Variants in CSMD2 observed in about 807,000 individuals in gnomAD.
The protein encoded by CSMD2 is CUB and Sushi multiple domains 2, also known as CUB and sushi domain-containing protein 2.
A neutral mutation model predicts 398.5 loss-of-function variants in CSMD2; 130 were observed. The observed-to-expected ratio is 0.33, with a 90% confidence interval of 0.28 to 0.38. The LOEUF (loss-of-function observed/expected upper bound fraction) is 0.38, where lower values mean the gene tolerates loss of function less well. Among genes scored for constraint, CSMD2 ranks in the 10% least tolerant of loss-of-function variants. The probability of loss-of-function intolerance (pLI) is 1.00; values close to 1 mark genes in which losing one functional copy is unlikely to be tolerated. For missense variants in CSMD2, 3,829 were observed against 4,764.9 expected (o/e 0.80, Z 5.78); for synonymous variants, 1,828 against 1,908.5 (o/e 0.96, Z 1.10).
chr1:33,657,868 A>G (rs1643998421), intron 27 of CSMD2, 78 bp downstream of exon 27: 26 of 1,374,920 alleles, frequency 1.9e-5, no homozygotes, highest in Non-Finnish European at 2.5e-5. Flanking sequence ...CCCAAGATGC[A>G]GCTGCTGTGC....
In CSMD2 at chr1:34,164,854, T is replaced by C; in HGVS notation, c.187+57A>G. On this transcript the variant is annotated intron_variant, in intron 1 of 70. Coordinates refer to ENST00000373381, the MANE Select transcript of CSMD2 (RefSeq NM_001281956.2). This position sits in a 1 kb window ranked among gnomAD's most constrained non-coding sequence, Gnocchi z 6.2. ...GGGACCGGGTCGAGGATGGGTGGGC[T>C]CGGGGCTCGGGTGGGGCGCGCGGCG... 2 of 1,052,044 alleles carry C rather than the reference T, an allele frequency of 1.9e-6. No homozygotes were observed. The highest frequency in any genetic ancestry group is 2.3e-6 in the Non-Finnish European group (2 of 874,498). The allele number at this position is 1,052,044 out of a possible 1,614,324, so 65.2% of individuals were successfully genotyped here.
intron 2 of CSMD2, among the ~76,000 whole-genome samples, chr1:34,081,666 C>T (rs535817906): frequency 4.1e-4 from 63 of 152,302 alleles, no homozygotes; most frequent in African/African-American, 1.4e-3. Flanking sequence ...GTGATCTGCC[C>T]GCCTCGGCCT....
At chr1:33,746,968 A>T (rs1439492925) in intron 13 of CSMD2, among the ~76,000 whole-genome samples, 1 of 152,216 alleles carries the variant, frequency 6.6e-6, no homozygotes, top group Admixed American at 6.5e-5. Flanking sequence ...TTTATCTTAG[A>T]CATAGTACAG....
intron 3 of CSMD2, among the ~76,000 whole-genome samples, chr1:33,989,013 C>CATATAT (rs71029018): frequency 7.4e-5 from 7 of 94,846 alleles, no homozygotes; most frequent in Non-Finnish European, 1.1e-4. Flanking sequence ...TCTCTCTCTC[C>CATATAT]ATATATATAT....
intron 5 of CSMD2, among the ~76,000 whole-genome samples, chr1:33,905,808 G>A (rs542465579): frequency 6.1e-4 from 93 of 152,334 alleles, no homozygotes; most frequent in African/African-American, 2.1e-3. Context: ...AGGAACCACG[G>A]CATCTTGTCT....
chr1:34,054,318 TA>T (rs1451559498), intron 2 of CSMD2, among the ~76,000 whole-genome samples: 2 of 152,180 alleles, frequency 1.3e-5, no homozygotes. Flanking sequence ...ATGTCCTAGA[TA>T]ATAATTAAGA....
At chr1:33,958,254 A>G (rs904346648) in intron 3 of CSMD2, among the ~76,000 whole-genome samples, 3 of 152,162 alleles carry the variant, frequency 2.0e-5, no homozygotes, top group Non-Finnish European at 2.9e-5. Flanking sequence ...CTTGTAAATG[A>G]GGACAATGAT....
intron 3 of CSMD2, among the ~76,000 whole-genome samples, chr1:33,962,742 C>A (rs483006): frequency 0.22 from 33,682 of 151,934 alleles, 6,073 homozygotes; most frequent in African/African-American, 0.47. Flanking sequence ...AGATTGACTC[C>A]CTCATATCCT....
At chr1:33,824,965 G>T (rs1481864222) in intron 7 of CSMD2, among the ~76,000 whole-genome samples, 2 of 152,104 alleles carry the variant, frequency 1.3e-5, no homozygotes, top group African/African-American at 2.4e-5. Flanking sequence ...TCTTGTGGAG[G>T]TGCCCAGAAC....
At chr1:33,987,578 A>T (rs1646402305) in intron 3 of CSMD2, among the ~76,000 whole-genome samples, 1 of 152,190 alleles carries the variant, frequency 6.6e-6, no homozygotes, top group Non-Finnish European at 1.5e-5. Flanking sequence ...TCCCAGGAGC[A>T]TCTCTTCCAT....
At chr1:33,702,675 T>C (rs144003929) in intron 22 of CSMD2, among the ~76,000 whole-genome samples, 4 of 152,316 alleles carry the variant, frequency 2.6e-5, no homozygotes, top group African/African-American at 7.2e-5. Context: ...CATTAAATAT[T>C]TTTTCCATAA....
intron 13 of CSMD2, chr1:33,772,349 C>T: frequency 2.0e-6 from 1 of 500,648 alleles, no homozygotes; most frequent in Non-Finnish European, 3.6e-6. Flanking sequence ...GAAGAGCATC[C>T]CCAAATGTCA....
chr1:33,826,638 T>C (rs1307814025), intron 6 of CSMD2, among the ~76,000 whole-genome samples: 1 of 152,228 alleles, frequency 6.6e-6, no homozygotes, highest in African/African-American at 2.4e-5. Context: ...AAGTCCAGCC[T>C]AGTCCTCAGT....
chr1:33,894,297 C>A (rs1642236661), intron 5 of CSMD2, among the ~76,000 whole-genome samples: 1 of 152,146 alleles, frequency 6.6e-6, no homozygotes, highest in Non-Finnish European at 1.5e-5. Context: ...AGTGTCCTTC[C>A]TGTAATACTC....
rs144671963 is a variant in CSMD2, at chr1:33,577,682, G to A, written c.7388-198C>T. 8.3e-3 allele frequency among the ~76,000 whole-genome samples: 1,258 copies of A among 152,026 alleles called. 11 individuals are homozygous for A. Among genetic ancestry groups the A allele is most frequent in the Non-Finnish European group, 0.012 (837 of 67,990 alleles). ...GTTGGTAAAGCCGAAACAAAACAAC[G>A]GAAACAAAACAAAACAAAACAAAAA... On this transcript the variant is annotated intron_variant, in intron 48 of 70. Coordinates refer to ENST00000373381, the MANE Select transcript of CSMD2 (RefSeq NM_001281956.2).
chr1:33,634,247 A>G (rs1400610766), intron 31 of CSMD2, among the ~76,000 whole-genome samples: 1 of 152,170 alleles, frequency 6.6e-6, no homozygotes, highest in African/African-American at 2.4e-5. Flanking sequence ...GGGAATTTAT[A>G]GAGGACAGAG....
chr1:33,624,656 G>C lies in CSMD2; in HGVS notation c.5501-13C>G, dbSNP rs1274986655. 1 of 1,609,272 alleles carries C rather than the reference G, an allele frequency of 6.2e-7. No individual in the cohort carries two copies. Among genetic ancestry groups the C allele is most frequent in the Admixed American group, 1.7e-5 (1 of 59,908 alleles). ...CCTCCACACGGCACTGGGAGGAGAG[G>C]CCATCGGGTCAGAGGCTTTGTGGCC... On this transcript the variant is annotated splice_polypyrimidine_tract_variant and intron_variant, in intron 34 of 70. Coordinates refer to ENST00000373381, the MANE Select transcript of CSMD2 (RefSeq NM_001281956.2). This position sits in a 1 kb window ranked among gnomAD's most constrained non-coding sequence, Gnocchi z 4.7.
chr1:34,150,075 C>CTTTTTTTTTT (rs201785327), intron 1 of CSMD2, among the ~76,000 whole-genome samples: 39 of 119,646 alleles, frequency 3.3e-4, no homozygotes, highest in East Asian at 4.6e-4. Flanking sequence ...CATTTTTCTT[C>CTTTTTTTTTT]TTTCTTTTTT....
intron 12 of CSMD2, among the ~76,000 whole-genome samples, chr1:33,776,150 C>T (rs1409439425): frequency 6.6e-6 from 1 of 152,038 alleles, no homozygotes; most frequent in East Asian, 1.9e-4. Context: ...AGAAACTTGA[C>T]CATATTGAAA....
Sources: allele counts gnomAD v4.1 joint callset (sites outside exome capture counted in the v4.1 genomes callset), GRCh38; gene constraint gnomAD v4.1.1; non-coding constraint Gnocchi (gnomAD v3.1); transcripts MANE v1.5; gene names NCBI Gene and HGNC (gene_info 2026-07-23, HGNC 2026-07-21).